TRUB1: variants seen among roughly 807,000 people sequenced by gnomAD.
TRUB1 encodes the protein TruB pseudouridine synthase family member 1.
In TRUB1, 23 loss-of-function variants were observed where a neutral mutation model predicts 33.9. The observed-to-expected ratio is 0.68, with a 90% confidence interval of 0.49 to 0.96. TRUB1 has a LOEUF of 0.96. Ranked by LOEUF, TRUB1 falls within the 40% of genes least tolerant of loss-of-function variation. The pLI, the probability that TRUB1 is intolerant of heterozygous loss-of-function variation, is 0.00. For synonymous variants in TRUB1, 163 were observed against 165.4 expected (o/e 0.99, Z 0.11); for missense variants, 378 against 422.2 (o/e 0.90, Z 0.92).
chr10:114,964,502 T>C (rs1292251164), intron 4 of TRUB1, among the ~76,000 whole-genome samples: 2 of 152,170 alleles, frequency 1.3e-5, no homozygotes, highest in Non-Finnish European at 2.9e-5. Context: ...TCCTCTCTTG[T>C]CTTTTGAAAA....
chr10:114,956,604 C>T (rs977224150), intron 3 of TRUB1, among the ~76,000 whole-genome samples: 2 of 152,102 alleles, frequency 1.3e-5, no homozygotes, highest in African/African-American at 4.8e-5. Context: ...CATCGGTTCG[C>T]AGGGTGTGGT....
At chr10:114,957,558 T>C (rs953931930) in intron 3 of TRUB1, among the ~76,000 whole-genome samples, 6 of 152,214 alleles carry the variant, frequency 3.9e-5, no homozygotes, top group Admixed American at 3.9e-4. Flanking sequence ...CTACTCTTAG[T>C]CATGCTGTGG....
intron 4 of TRUB1, among the ~76,000 whole-genome samples, chr10:114,969,793 G>C (rs1291582345): frequency 1.3e-5 from 2 of 149,854 alleles, no homozygotes; most frequent in Admixed American, 1.3e-4. Context: ...GGGGCGGGGG[G>C]ACAGATAAAT....
intron 4 of TRUB1, 150 bp downstream of exon 4, chr10:114,959,957 C>T (rs1338972506): frequency 3.4e-6 from 2 of 585,628 alleles, no homozygotes; most frequent in African/African-American, 3.8e-5. Context: ...TTGTTTATCG[C>T]ATTGTTGCTT....
At chr10:114,963,563 G>C (rs573813720) in intron 4 of TRUB1, among the ~76,000 whole-genome samples, 1 of 152,314 alleles carries the variant, frequency 6.6e-6, no homozygotes, top group Admixed American at 6.5e-5. Flanking sequence ...TCAAGAAATA[G>C]AAGATTGCTA....
intron 2 of TRUB1, among the ~76,000 whole-genome samples, chr10:114,946,189 C>T (rs1360714884): frequency 6.6e-6 from 1 of 152,032 alleles, no homozygotes; most frequent in Non-Finnish European, 1.5e-5. Context: ...AAGAAAATCT[C>T]GTAACTTCAC....
rs1259171050 is a variant in TRUB1, at chr10:114,977,253, T to G, written c.*1874T>G. On this transcript the variant is annotated 3_prime_UTR_variant, in exon 8 of 8. Transcript: ENST00000298746. ...TTAAATTTTTATATTACTATTTTCC[T>G]TTTTGTTGTTCACATAGTCTTAAGG... 2.0e-5 allele frequency: 3 copies of G among 152,128 alleles called. No homozygotes were observed. Among genetic ancestry groups the G allele is most frequent in the African/African-American group, 7.2e-5 (3 of 41,454 alleles). The allele number at this position is 152,128 out of a possible 1,614,324, so 9.4% of individuals were successfully genotyped here.
At chr10:114,969,210 T>A (rs1357548633) in intron 4 of TRUB1, among the ~76,000 whole-genome samples, 3 of 150,670 alleles carry the variant, frequency 2.0e-5, no homozygotes, top group Non-Finnish European at 4.4e-5. Context: ...GGCAGGAGGA[T>A]CACCTGAGGT....
chr10:114,951,666 G>A (rs558257341), intron 3 of TRUB1, among the ~76,000 whole-genome samples: 2 of 152,300 alleles, frequency 1.3e-5, no homozygotes, highest in African/African-American at 4.8e-5. Flanking sequence ...ATAGAAGAGA[G>A]AAGGGGTTAT....
At chr10:114,955,728 CTT>C (rs894044275) in intron 3 of TRUB1, among the ~76,000 whole-genome samples, 5 of 152,178 alleles carry the variant, frequency 3.3e-5, no homozygotes, top group African/African-American at 1.2e-4. Flanking sequence ...TTAGCCAACT[CTT>C]GAAGATTTCA....
rs981976400 is a variant in TRUB1, at chr10:114,938,469, C to G, written c.216C>G (p.Phe72Leu). 2 of 1,592,734 alleles carry G rather than the reference C, an allele frequency of 1.3e-6. No homozygotes were observed. Among genetic ancestry groups the G allele is most frequent in the Admixed American group, 1.8e-5 (1 of 55,212 alleles). ...AGCTGCTGTCCTTGAGCGGCGTGTTCGCCGTGCACAAGCCCAAAGGGCCCA... is the reference window on the plus strand; with the variant it reads ...AGCTGCTGTCCTTGAGCGGCGTGTTGGCCGTGCACAAGCCCAAAGGGCCCA... Reference protein sequence around the residue: ...ATKLLSLSGVFAVHKPKGPTS... With the variant: ...ATKLLSLSGVLAVHKPKGPTS... The change falls in exon 1 of 8, where the codon TTC (phenylalanine) becomes TTG (leucine). Residue 72 changes from phenylalanine (F) to leucine (L), a missense_variant. By Grantham distance (22) the Phe-to-Leu change is conservative. Coordinates refer to ENST00000298746, the MANE Select transcript of TRUB1 (RefSeq NM_139169.5).
At chr10:114,942,353 C>G (rs766721296) in intron 1 of TRUB1, among the ~76,000 whole-genome samples, 4 of 152,042 alleles carry the variant, frequency 2.6e-5, no homozygotes, top group Admixed American at 6.5e-5. Flanking sequence ...TAGATTTTTG[C>G]GGGTTAGCTT....
At chr10:114,951,386 C>CA (rs1354422543) in intron 3 of TRUB1, among the ~76,000 whole-genome samples, 24 of 152,252 alleles carry the variant, frequency 1.6e-4, no homozygotes, top group African/African-American at 5.5e-4. Flanking sequence ...CATCATTTAA[C>CA]AAAATTATAT....
intron 4 of TRUB1, among the ~76,000 whole-genome samples, chr10:114,965,256 TA>T: frequency 1.3e-5 from 2 of 152,212 alleles, no homozygotes; most frequent in South Asian, 4.1e-4. Flanking sequence ...ATAGCTTTCT[TA>T]TCAAAGTAAA....
intron 3 of TRUB1, among the ~76,000 whole-genome samples, chr10:114,954,782 A>G (rs1445085987): frequency 6.6e-6 from 1 of 152,116 alleles, no homozygotes; most frequent in Non-Finnish European, 1.5e-5. Flanking sequence ...CAAGTATTTT[A>G]CTTATCCCCA....
At chr10:114,944,456 C>T (rs554203155) in intron 2 of TRUB1, among the ~76,000 whole-genome samples, 13 of 152,116 alleles carry the variant, frequency 8.5e-5, no homozygotes, top group African/African-American at 2.2e-4. Context: ...AAAATCAGTT[C>T]GAGACCAATC....
intron 6 of TRUB1, among the ~76,000 whole-genome samples, chr10:114,973,787 C>CT (rs1188922095): frequency 2.6e-5 from 4 of 152,060 alleles, no homozygotes; most frequent in Non-Finnish European, 4.4e-5. Context: ...TTTAAATAAA[C>CT]TGAGTTCTTC....
intron 3 of TRUB1, among the ~76,000 whole-genome samples, chr10:114,952,615 G>C (rs2084242203): frequency 6.6e-6 from 1 of 152,160 alleles, no homozygotes; most frequent in Non-Finnish European, 1.5e-5. Flanking sequence ...TTATCAACTG[G>C]CATAAAAATC....
At chr10:114,971,486 T>G (rs1252558713) in intron 5 of TRUB1, among the ~76,000 whole-genome samples, 1 of 152,170 alleles carries the variant, frequency 6.6e-6, no homozygotes, top group Non-Finnish European at 1.5e-5. Flanking sequence ...GGAGACGCTT[T>G]TTAATGATTT....
Sources: allele counts gnomAD v4.1 joint callset (sites outside exome capture counted in the v4.1 genomes callset), GRCh38; gene constraint gnomAD v4.1.1; transcripts MANE v1.5; gene names NCBI Gene and HGNC (gene_info 2026-07-23, HGNC 2026-07-21).